Variants in RNPC3 observed in about 807,000 individuals in gnomAD.
RNPC3 encodes the protein RNA-binding region-containing protein 3.
In RNPC3, 48 loss-of-function variants were observed where a neutral mutation model predicts 67.5. The ratio of observed to expected loss-of-function variants is 0.71; its 90% confidence interval spans 0.56 to 0.90. RNPC3 has a LOEUF of 0.90. Among genes scored for constraint, RNPC3 ranks in the 40% least tolerant of loss-of-function variants. The pLI, the probability that RNPC3 is intolerant of heterozygous loss-of-function variation, is 0.00. For synonymous variants in RNPC3, 239 were observed against 210.3 expected, an observed-to-expected ratio of 1.14 and a Z score of -1.18; for missense variants, 637 against 626.1, an observed-to-expected ratio of 1.02 and a Z score of -0.19.
chr1:103,544,555 A>G (rs1397999150), intron 9 of RNPC3, among the ~76,000 whole-genome samples: 3 of 151,828 alleles, frequency 2.0e-5, no homozygotes, highest in Admixed American at 6.6e-5. Context: ...ATCTTTGAGC[A>G]CTTGTGTGAA....
chr1:103,554,366 C>T (rs1436649584), intron 14 of RNPC3: 4 of 152,046 alleles, frequency 2.6e-5, no homozygotes, highest in African/African-American at 9.7e-5. Flanking sequence ...CTAAAAAAAT[C>T]CTTAAGAAAT....
chr1:103,550,405 G>A (rs34487026), intron 12 of RNPC3, among the ~76,000 whole-genome samples: 22,455 of 151,672 alleles, frequency 0.15, 1,952 homozygotes, highest in South Asian at 0.28. Flanking sequence ...AGGCCGAGGC[G>A]GGCAGATCAC....
rs1355382559 is a variant in RNPC3 at position 103,534,815 on chromosome 1, T to C, written c.401T>C (p.Leu134Pro). 1 of 1,532,772 alleles carries C rather than the reference T, an allele frequency of 6.5e-7. No individual in the cohort carries two copies. Among genetic ancestry groups the C allele is most frequent in the Admixed American group, 2.0e-5 (1 of 50,152 alleles). The allele number at this position is 1,532,772 out of a possible 1,614,324, so 94.9% of individuals were successfully genotyped here. Residue 134 changes from leucine to proline, a missense_variant, in exon 4 of 15, where the codon CTT (leucine) becomes CCT (proline). Physicochemically the swap from Leu to Pro is moderately conservative, Grantham distance 98. This residue lies in a region of RNPC3 where 536 missense variants were observed against 500.3 expected (regional missense o/e 1.07). Coordinates refer to ENST00000423855, the MANE Select transcript of RNPC3 (RefSeq NM_017619.4). The part of the protein sequence containing the change: ...PVEDDKEKKE[L>P]GYLTVENGIA... Reference sequence around the variant, plus strand: ...GAAGATGATAAAGAAAAAAAAGAACTTGGTTATTTAACAGTAGAAAATGGA... The same window carrying C: ...GAAGATGATAAAGAAAAAAAAGAACCTGGTTATTTAACAGTAGAAAATGGA...
intron 8 of RNPC3, among the ~76,000 whole-genome samples, chr1:103,541,707 G>A (rs867761472): frequency 7.9e-5 from 12 of 152,060 alleles, no homozygotes; most frequent in Non-Finnish European, 1.0e-4. Context: ...TGCAGACTCA[G>A]AATATCTTAT....
intron 7 of RNPC3, 135 bp from the exon 8 acceptor site, chr1:103,541,215 T>C (rs1651117953): frequency 3.5e-6 from 2 of 569,274 alleles, no homozygotes; most frequent in South Asian, 5.6e-5. Flanking sequence ...TGGTGTTCTA[T>C]ATATTTGATG....
At chr1:103,550,458 G>A (rs1326383930) in intron 12 of RNPC3, among the ~76,000 whole-genome samples, 2 of 151,542 alleles carry the variant, frequency 1.3e-5, no homozygotes, top group East Asian at 3.9e-4. Context: ...TGACTAACAC[G>A]GTGAAACCCC....
rs1187170271 is a variant in RNPC3 at position 103,534,763 on chromosome 1, G to T, written c.360-11G>T. The stretch of plus-strand genomic sequence containing the variant: ...GAAAGATAAGATTAACTTTGATTCT[G>T]TATGTCCCAGGTCTGATGACCCTGT... On this transcript the variant is annotated splice_polypyrimidine_tract_variant and intron_variant, in intron 3 of 14. Coordinates refer to ENST00000423855, the MANE Select transcript of RNPC3 (RefSeq NM_017619.4). 5 of 1,477,852 alleles carry T rather than the reference G, an allele frequency of 3.4e-6. No individual in the cohort carries two copies. The highest frequency in any genetic ancestry group is 4.5e-6 in the Non-Finnish European group (5 of 1,104,110). 91.5% of individuals were successfully genotyped at this position (1,477,852 alleles called of 1,614,324 possible).
At chr1:103,531,273 G>A (rs766781901) in intron 2 of RNPC3, among the ~76,000 whole-genome samples, 4 of 151,998 alleles carry the variant, frequency 2.6e-5, no homozygotes, top group African/African-American at 7.3e-5. Flanking sequence ...GGCTGGTTCC[G>A]TATTTTTGCA....
chr1:103,551,269 A>G (rs771714047), intron 13 of RNPC3, 196 bp downstream of exon 13: 9 of 523,002 alleles, frequency 1.7e-5, no homozygotes, highest in Non-Finnish European at 2.0e-5. Flanking sequence ...CTTCAGCAGC[A>G]TGAGGTTGTT....
Position 103,527,747 on chromosome 1 carries a change from G to A in RNPC3, c.240+5G>A. ...AATGAAAAAGCAGCTATAAAGGTAT[G>A]ACTTTTTCTTGACGATTAAAGTTGT... On this transcript the variant is annotated splice_donor_5th_base_variant and intron_variant, in intron 2 of 14. Transcript: ENST00000423855. The A allele has an allele frequency of 6.5e-7, 1 of 1,541,672 alleles. No individual in the cohort carries two copies. The highest frequency in any genetic ancestry group is 8.8e-7 in the Non-Finnish European group (1 of 1,139,090).
chr1:103,543,320 T>A lies in RNPC3; in HGVS notation c.918T>A (p.Pro306=), dbSNP rs1651168542. 1 of 1,495,998 alleles carries A rather than the reference T, an allele frequency of 6.7e-7. No individual in the cohort carries two copies. The highest frequency in any genetic ancestry group is 8.9e-7 in the Non-Finnish European group (1 of 1,129,876). 92.7% of individuals were successfully genotyped at this position (1,495,998 alleles called of 1,614,324 possible). ...GCAGTTTACATCCAGTGCTGTTACC[T>A]TCAGATGTATTTGACCAACCACAAC... The part of the protein sequence containing the change: ...SHSSLHPVLL[P]SDVFDQPQPV... Residue 306 remains proline (P), a synonymous_variant, in exon 9 of 15, where the codon CCT becomes CCA. Coordinates refer to ENST00000423855, the MANE Select transcript of RNPC3 (RefSeq NM_017619.4).
chr1:103,551,635 C>CCAAAATTAAAAAACCATACTCA, intron 13 of RNPC3, 86 bp from the exon 14 acceptor site: 4 of 809,096 alleles, frequency 4.9e-6, no homozygotes, highest in Non-Finnish European at 7.9e-6. Flanking sequence ...AACCATACTC[C>CCAAAATTAAAAAACCATACTCA]CACCATACAC....
chr1:103,540,800 T>C (rs951464332), intron 7 of RNPC3, among the ~76,000 whole-genome samples: 5 of 152,200 alleles, frequency 3.3e-5, no homozygotes, highest in Non-Finnish European at 7.4e-5. Context: ...AGAAAAGCTA[T>C]GTACAGGTGT....
At chr1:103,546,498 T>A (rs562269420) in intron 11 of RNPC3, 156 bp downstream of exon 11, 1 of 419,488 alleles carries the variant, frequency 2.4e-6, no homozygotes, top group Non-Finnish European at 4.2e-6. Context: ...TCAGGTTAAT[T>A]TTTTATTAAA....
intron 8 of RNPC3, 131 bp from the exon 9 acceptor site, chr1:103,543,165 T>C: frequency 1.8e-6 from 1 of 558,972 alleles, no homozygotes; most frequent in Non-Finnish European, 2.8e-6. Context: ...TCACTCACTT[T>C]ATTGAATATC....
intron 7 of RNPC3, among the ~76,000 whole-genome samples, chr1:103,537,751 A>G (rs1651019562): frequency 6.6e-6 from 1 of 152,062 alleles, no homozygotes; most frequent in East Asian, 1.9e-4. Context: ...GAGCCTTGTT[A>G]TTTGTGGATT....
In RNPC3 at chr1:103,534,974, T is replaced by C. The variant is rs1650945828; in HGVS notation, c.443+117T>C. The C allele has an allele frequency of 5.1e-6, 3 of 590,564 alleles. No individual in the cohort carries two copies. In the South Asian group the frequency reaches 7.7e-5, roughly 15 times the overall value. 36.6% of individuals were successfully genotyped at this position (590,564 alleles called of 1,614,324 possible). ...TAATATACAGATATCTTATTGCTTATTGTATATTGTGTTATATACAGATAT... is the reference window on the plus strand; with the variant it reads ...TAATATACAGATATCTTATTGCTTACTGTATATTGTGTTATATACAGATAT... On this transcript the variant is annotated intron_variant, in intron 4 of 14. Coordinates refer to ENST00000423855, the MANE Select transcript of RNPC3 (RefSeq NM_017619.4).
At chr1:103,533,430 A>G in intron 2 of RNPC3, among the ~76,000 whole-genome samples, 1 of 152,076 alleles carries the variant, frequency 6.6e-6, no homozygotes, top group Non-Finnish European at 1.5e-5. Flanking sequence ...GATTTGTGGT[A>G]GTTTTTATAA....
intron 14 of RNPC3, chr1:103,553,281 C>T (rs1651444413): frequency 6.6e-6 from 1 of 152,150 alleles, no homozygotes; most frequent in Non-Finnish European, 1.5e-5. Flanking sequence ...TAGAAGCATT[C>T]CTGCGTAAAT....
Sources: gnomAD v4.1 joint callset for allele counts (sites outside exome capture counted in the v4.1 genomes callset) on GRCh38, gnomAD v4.1.1 for gene constraint, gnomAD v4.1.1 regional missense constraint, MANE v1.5 for transcripts, NCBI Gene and HGNC (gene_info 2026-07-23, HGNC 2026-07-21) for gene names.